Variants in COLEC12 observed in about 807,000 individuals in gnomAD.
COLEC12 encodes the protein collectin subfamily member 12.
In COLEC12, 33 loss-of-function variants were observed where a neutral mutation model predicts 71.1. The observed-to-expected ratio is 0.46, with a 90% CI of 0.35 to 0.62. COLEC12 has a LOEUF of 0.62. Ranked by LOEUF, COLEC12 falls within the 20% of genes least tolerant of loss-of-function variation. The pLI, the probability that COLEC12 is intolerant of heterozygous loss-of-function variation, is 0.00. For synonymous variants in COLEC12, 350 were observed against 353.0 expected (o/e 0.99, Z 0.10); for missense variants, 765 against 916.1 (o/e 0.84, Z 2.13).
chr18:420,274 AAT>A (rs1362904052), intron 2 of COLEC12, among the ~76,000 whole-genome samples: 2 of 152,156 alleles, frequency 1.3e-5, no homozygotes, highest in Non-Finnish European at 2.9e-5. Context: ...GTTTGATGGC[AAT>A]GTAACACGTG....
chr18:382,617 C>T (rs570006017), intron 2 of COLEC12, among the ~76,000 whole-genome samples: 5 of 152,268 alleles, frequency 3.3e-5, no homozygotes, highest in South Asian at 2.1e-4. Context: ...CTAATCCCCC[C>T]GAGCCCTGGT....
chr18:466,351 C>T (rs4797173), intron 2 of COLEC12, among the ~76,000 whole-genome samples: 43,095 of 152,076 alleles, frequency 0.28, 6,281 homozygotes, highest in East Asian at 0.44. Flanking sequence ...ATCTTTTCCT[C>T]CTGACACTAG....
chr18:365,770 A>G (rs1270929653), intron 2 of COLEC12, among the ~76,000 whole-genome samples: 1 of 152,190 alleles, frequency 6.6e-6, no homozygotes, highest in Non-Finnish European at 1.5e-5. Flanking sequence ...GTGGTTCAGG[A>G]ATCCACAGTG....
chr18:439,293 G>C (rs150546940), intron 2 of COLEC12, among the ~76,000 whole-genome samples: 2,353 of 152,256 alleles, frequency 0.015, 19 homozygotes, highest in Middle Eastern at 0.034. Context: ...CCACATGCCT[G>C]TACCAACCAA....
chr18:423,073 T>C (rs181869265), intron 2 of COLEC12, among the ~76,000 whole-genome samples: 79 of 151,988 alleles, frequency 5.2e-4, no homozygotes, highest in Non-Finnish European at 4.4e-4. Context: ...GAGTTCAAGA[T>C]TGGCCTGGAC....
chr18:402,150 A>G (rs62087992), intron 2 of COLEC12, among the ~76,000 whole-genome samples: 26,829 of 152,084 alleles, frequency 0.18, 3,095 homozygotes, highest in Non-Finnish European at 0.26. Context: ...TGTGAAATGA[A>G]AGTTCACTCC....
At chr18:370,707 C>T (rs572724575) in intron 2 of COLEC12, among the ~76,000 whole-genome samples, 6 of 152,214 alleles carry the variant, frequency 3.9e-5, no homozygotes, top group Admixed American at 2.0e-4. Context: ...CACCACACAA[C>T]GGGATCCCAG....
intron 2 of COLEC12, among the ~76,000 whole-genome samples, chr18:479,327 G>A (rs1388921103): frequency 2.6e-5 from 4 of 152,176 alleles, no homozygotes; most frequent in South Asian, 2.1e-4. Flanking sequence ...GGGAACCAAC[G>A]CAGGAGAGAT....
intron 2 of COLEC12, among the ~76,000 whole-genome samples, chr18:403,447 C>A (rs2143619453): frequency 6.6e-6 from 1 of 152,192 alleles, no homozygotes; most frequent in East Asian, 1.9e-4. Flanking sequence ...CACCCATTTG[C>A]TCCTCTTCAC....
intron 5 of COLEC12, among the ~76,000 whole-genome samples, chr18:337,769 C>T (rs1235862689): frequency 6.6e-6 from 1 of 152,178 alleles, no homozygotes; most frequent in African/African-American, 2.4e-5. Context: ...CACCTCTAAC[C>T]TGCGTGTCTA....
chr18:330,208 C>T (rs1229026817), intron 8 of COLEC12, among the ~76,000 whole-genome samples: 1 of 152,228 alleles, frequency 6.6e-6, no homozygotes, highest in East Asian at 1.9e-4. Flanking sequence ...CATGCACACG[C>T]ACATAGGGAC....
chr18:442,189 G>A (rs1916556549), intron 2 of COLEC12, among the ~76,000 whole-genome samples: 1 of 152,056 alleles, frequency 6.6e-6, no homozygotes, highest in Admixed American at 6.5e-5. Context: ...AAAAGACGAA[G>A]TTACAGAGGT....
At chr18:351,802 G>A (rs1050320496) in intron 3 of COLEC12, among the ~76,000 whole-genome samples, 14 of 152,248 alleles carry the variant, frequency 9.2e-5, no homozygotes, top group African/African-American at 3.1e-4. Context: ...TGTTACATAC[G>A]TATACATGTG....
intron 5 of COLEC12, among the ~76,000 whole-genome samples, chr18:342,909 C>T (rs1914288257): frequency 6.6e-6 from 1 of 152,076 alleles, no homozygotes; most frequent in Non-Finnish European, 1.5e-5. Flanking sequence ...GAGTCGGAAA[C>T]CTCATTCTAT....
At chr18:436,534 G>C (rs947885823) in intron 2 of COLEC12, among the ~76,000 whole-genome samples, 1 of 141,088 alleles carries the variant, frequency 7.1e-6, no homozygotes, top group Non-Finnish European at 1.6e-5. Flanking sequence ...AAGGGGGGGG[G>C]GGGGGAAACA....
At position 368,593 on chromosome 18, in the gene COLEC12, G is replaced by A. The variant is rs537194423; in HGVS notation, c.59-11071C>T. ...TCAAAAACAAAACAAGGCCGGGCGC[G>A]GTGGCTCAGGCCTGTAATCCCAGAA... is the stretch of plus-strand genomic sequence containing the variant. On this transcript the variant is annotated intron_variant, in intron 2 of 9. Transcript: ENST00000400256. Among the ~76,000 whole-genome samples, 245 of 150,550 alleles carry A rather than the reference G, an allele frequency of 1.6e-3. 1 individual carries two copies. Among genetic ancestry groups the A allele is most frequent in the Non-Finnish European group, 2.9e-3 (194 of 67,624 alleles).
rs533802237 is a variant in COLEC12 at position 370,721 on chromosome 18, T to C, written c.59-13199A>G. Among the ~76,000 whole-genome samples the C allele has an allele frequency of 3.9e-5, 6 of 152,252 alleles. No homozygotes were observed. In the South Asian group the frequency reaches 1.0e-3, roughly 26 times the overall value. ...CCACCACACAACGGGATCCCAGGGA[T>C]GGTCTCAGCTTGATGGATCTAGGAG... On this transcript the variant is annotated intron_variant, in intron 2 of 9. Coordinates refer to ENST00000400256, the MANE Select transcript of COLEC12 (RefSeq NM_130386.3).
chr18:387,414 T>C (rs1915368787), intron 2 of COLEC12, among the ~76,000 whole-genome samples: 1 of 152,024 alleles, frequency 6.6e-6, no homozygotes, highest in African/African-American at 2.4e-5. Flanking sequence ...ATTCCTTCTT[T>C]CTCATCTCCC....
chr18:482,961 G>A (rs1292660332), intron 1 of COLEC12, among the ~76,000 whole-genome samples: 1 of 152,166 alleles, frequency 6.6e-6, no homozygotes, highest in African/African-American at 2.4e-5. Context: ...TGAAGCCTCT[G>A]TGATAGTCTT....
Sources: allele counts gnomAD v4.1 joint callset (sites outside exome capture counted in the v4.1 genomes callset), GRCh38; gene constraint gnomAD v4.1.1; transcripts MANE v1.5; gene names NCBI Gene and HGNC (gene_info 2026-07-23, HGNC 2026-07-21).